Variants in FMOD observed in about 807,000 individuals in gnomAD.
FMOD encodes the protein fibromodulin.
FMOD carries 15 observed loss-of-function variants against 27.0 expected under a neutral mutation model. The ratio of observed to expected loss-of-function variants is 0.55; its 90% confidence interval spans 0.37 to 0.85. The LOEUF (loss-of-function observed/expected upper bound fraction) is 0.85. Among genes scored for constraint, FMOD ranks in the 40% least tolerant of loss-of-function variants. FMOD has a pLI of 0.00. For missense variants in FMOD, 460 were observed against 483.2 expected (o/e 0.95, Z 0.45); for synonymous variants, 210 against 214.0 (o/e 0.98, Z 0.16).
intron 2 of FMOD, among the ~76,000 whole-genome samples, chr1:203,346,898 C>T (rs1376376977): frequency 6.6e-6 from 1 of 152,222 alleles, no homozygotes; most frequent in Admixed American, 6.5e-5. Context: ...ACCCCTTCAT[C>T]TCAGACACGT....
At chr1:203,348,307 C>G (rs1322380224) in intron 1 of FMOD, 30 bp from the exon 2 acceptor site, 2 of 1,590,820 alleles carry the variant, frequency 1.3e-6, no homozygotes, top group Admixed American at 3.4e-5. Context: ...ACAGAGCAAG[C>G]CAGCATGAGT....
intron 2 of FMOD, among the ~76,000 whole-genome samples, chr1:203,345,557 G>A (rs1419837760): frequency 9.9e-5 from 15 of 152,172 alleles, no homozygotes; most frequent in Admixed American, 9.8e-4. Context: ...CTGGTGTGAT[G>A]ATAGACAGCC....
chr1:203,343,216 A>G (rs953274697), intron 2 of FMOD, among the ~76,000 whole-genome samples: 3 of 152,206 alleles, frequency 2.0e-5, no homozygotes, highest in Non-Finnish European at 2.9e-5. Flanking sequence ...TTAAACCTGA[A>G]AAGAAGTCTC....
At chr1:203,350,222 G>A (rs545616207) in intron 1 of FMOD, among the ~76,000 whole-genome samples, 2 of 152,328 alleles carry the variant, frequency 1.3e-5, no homozygotes, top group East Asian at 3.9e-4. Flanking sequence ...TGCTGAAAGG[G>A]TTTGATGGGG....
At position 203,347,275 on chromosome 1, in the gene FMOD, C is replaced by T. The variant is rs1243903395; in HGVS notation, c.979+17G>A. The T allele has an allele frequency of 1.3e-6, 2 of 1,586,376 alleles. No homozygotes were observed. Among genetic ancestry groups the T allele is most frequent in the South Asian group, 1.2e-5 (1 of 86,154 alleles). On this transcript the variant is annotated intron_variant, in intron 2 of 2. Transcript: ENST00000354955. ...AAATAGACAGCCAGTCCCCGCCTCCCTTTGCCAAGGTCTCACCATTGATCC... is the reference window on the plus strand; with the variant it reads ...AAATAGACAGCCAGTCCCCGCCTCCTTTTGCCAAGGTCTCACCATTGATCC...
chr1:203,349,045 G>A (rs1020631901), intron 1 of FMOD, among the ~76,000 whole-genome samples: 5 of 152,232 alleles, frequency 3.3e-5, no homozygotes, highest in African/African-American at 1.2e-4. Flanking sequence ...TCCAGACTGA[G>A]GACCCTGGCA....
chr1:203,345,920 T>A (rs1658880109), intron 2 of FMOD, among the ~76,000 whole-genome samples: 1 of 146,506 alleles, frequency 6.8e-6, no homozygotes, highest in Non-Finnish European at 1.5e-5. Context: ...AAAGACGTCT[T>A]AGAGGACCCC....
At chr1:203,347,248 T>A in intron 2 of FMOD, 44 bp downstream of exon 2, 1 of 1,551,480 alleles carries the variant, frequency 6.4e-7, no homozygotes, top group Non-Finnish European at 8.7e-7. Context: ...GTCTTTCAAG[T>A]GAAATAGACA....
chr1:203,342,674 C>A (rs1386937139), intron 2 of FMOD, among the ~76,000 whole-genome samples, 180 bp from the exon 3 acceptor site: 1 of 152,164 alleles, frequency 6.6e-6, no homozygotes, highest in Non-Finnish European at 1.5e-5. Flanking sequence ...GAACTAGGGA[C>A]AGAGTGAGGA....
At chr1:203,346,975 G>A (rs1658899501) in intron 2 of FMOD, among the ~76,000 whole-genome samples, 1 of 152,116 alleles carries the variant, frequency 6.6e-6, no homozygotes, top group South Asian at 2.1e-4. Flanking sequence ...TTTGTGGCAA[G>A]CCTCTGTCCC....
intron 2 of FMOD, among the ~76,000 whole-genome samples, chr1:203,345,897 C>CA (rs58814042): frequency 0.088 from 11,375 of 129,894 alleles, 719 homozygotes; most frequent in African/African-American, 0.15. Flanking sequence ...GACTCTGTCT[C>CA]AAAAAAAAAA....
At chr1:203,350,576 AAC>A (rs754601876) in intron 1 of FMOD, among the ~76,000 whole-genome samples, 10 of 131,562 alleles carry the variant, frequency 7.6e-5, no homozygotes, top group African/African-American at 2.1e-4. Flanking sequence ...TTCCACTCCA[AAC>A]ACACACACAC....
In FMOD at chr1:203,347,916, A is replaced by T; in HGVS notation, c.355T>A (p.Ser119Thr). The T allele has an allele frequency of 6.2e-7, 1 of 1,612,734 alleles. No individual in the cohort carries two copies. The highest frequency in any genetic ancestry group is 1.1e-5 in the South Asian group (1 of 91,040). The change falls in exon 2 of 3, where the codon TCC (serine) becomes ACC (threonine). Residue 119 changes from serine (S) to threonine (T), a missense_variant. Ser to Thr is a moderately conservative substitution (Grantham distance 58). Coordinates refer to ENST00000354955, the MANE Select transcript of FMOD (RefSeq NM_002023.5). ...YVYFQNNQIT[S>T]IQEGVFDNAT... ...TTGTCAAAGACGCCTTCCTGGATGG[A>T]GGTGATCTGGTTGTTCTGGAAGTAC... is the stretch of plus-strand genomic sequence containing the variant.
chr1:203,345,114 A>G (rs192304543), intron 2 of FMOD, among the ~76,000 whole-genome samples: 10 of 152,350 alleles, frequency 6.6e-5, no homozygotes, highest in African/African-American at 1.9e-4. Flanking sequence ...TATTTTGTCT[A>G]AAAAGAAGGC....
intron 1 of FMOD, among the ~76,000 whole-genome samples, chr1:203,349,735 G>A (rs566742341): frequency 6.6e-6 from 1 of 152,322 alleles, no homozygotes; most frequent in East Asian, 1.9e-4. Flanking sequence ...TGATGGGAAA[G>A]ACCCCAACTA....
At chr1:203,349,366 A>G (rs1658952666) in intron 1 of FMOD, among the ~76,000 whole-genome samples, 1 of 152,218 alleles carries the variant, frequency 6.6e-6, no homozygotes, top group Admixed American at 6.5e-5. Context: ...CTAGGTCCCC[A>G]CATTGCTGGA....
chr1:203,342,264 C>T lies in FMOD; in HGVS notation c.*79G>A, dbSNP rs1191390903. ...CTTCTGTCACATGGTCCATCCTGGA[C>T]CTTCCAGCAAAAGCCAAACCAAACC... On this transcript the variant is annotated 3_prime_UTR_variant, in exon 3 of 3. Coordinates refer to ENST00000354955, the MANE Select transcript of FMOD (RefSeq NM_002023.5). The T allele has an allele frequency of 3.9e-6, 6 of 1,537,342 alleles. No individual in the cohort carries two copies. Among genetic ancestry groups the T allele is most frequent in the Admixed American group, 3.7e-5 (2 of 54,390 alleles).
In FMOD at chr1:203,342,288, C is replaced by T; in HGVS notation, c.*55G>A. On this transcript the variant is annotated 3_prime_UTR_variant, in exon 3 of 3. Coordinates refer to ENST00000354955, the MANE Select transcript of FMOD (RefSeq NM_002023.5). ...ACCTTCCAGCAAAAGCCAAACCAAA[C>T]CATCAAGCCAAATGCCACGGGGGCT... The T allele has an allele frequency of 3.2e-6, 5 of 1,570,504 alleles. No homozygotes were observed. Among genetic ancestry groups the T allele is most frequent in the Non-Finnish European group, 4.3e-6 (5 of 1,154,610 alleles).
chr1:203,342,446 G>T lies in FMOD; in HGVS notation c.1028C>A (p.Ser343Tyr), dbSNP rs1200258525. ...FCTVVDVVNF[S>Y]KLQVLRLDGN... ...GTCCAGGCGCAGCACCTGCAGCTTG[G>T]AGAAGTTCACGACGTCCACCACGGT... The change falls in exon 3 of 3, where the codon TCC (serine) becomes TAC (tyrosine). Residue 343 changes from serine to tyrosine, a missense_variant. Physicochemically the swap from Ser to Tyr is moderately radical, Grantham distance 144. Transcript: ENST00000354955. 1 of 1,614,070 alleles carries T rather than the reference G, an allele frequency of 6.2e-7. No homozygotes were observed. Among genetic ancestry groups the T allele is most frequent in the East Asian group, 2.2e-5 (1 of 44,902 alleles).
Sources: gnomAD v4.1 joint callset for allele counts (sites outside exome capture counted in the v4.1 genomes callset) on GRCh38, gnomAD v4.1.1 for gene constraint, MANE v1.5 for transcripts, NCBI Gene and HGNC (gene_info 2026-07-23, HGNC 2026-07-21) for gene names.